The following IL1RN variants were observed in gnomAD, a reference collection of about 807,000 sequenced individuals.
The protein encoded by IL1RN is interleukin-1 receptor antagonist protein.
IL1RN carries 10 observed loss-of-function variants against 13.7 expected under a neutral mutation model. That is an observed-to-expected ratio of 0.73 (90% CI 0.45 to 1.24). The LOEUF (loss-of-function observed/expected upper bound fraction) is 1.24. Among genes scored for constraint, IL1RN ranks in the 50% most tolerant of loss-of-function variants. The pLI is 0.00. For synonymous variants in IL1RN, 102 were observed against 82.7 expected, an observed-to-expected ratio of 1.23 and a Z score of -1.27; for missense variants, 213 against 222.1, an observed-to-expected ratio of 0.96 and a Z score of 0.26.
rs1460641135 is a variant in IL1RN, at chr2:113,132,853, C to T, written c.516C>T (p.Tyr172=). The part of the protein sequence containing the change: ...PDEGVMVTKF[Y]FQEDE ...AAGGCGTCATGGTCACCAAATTCTACTTCCAGGAGGACGAGTAGTACTGCC... is the reference window on the plus strand; with the variant it reads ...AAGGCGTCATGGTCACCAAATTCTATTTCCAGGAGGACGAGTAGTACTGCC... The change falls in exon 4 of 4, where the codon TAC becomes TAT. Residue 172 remains tyrosine, a synonymous_variant. Transcript: ENST00000409930. 1 of 1,614,084 alleles carries T rather than the reference C, an allele frequency of 6.2e-7. No homozygotes were observed. The highest frequency in any genetic ancestry group is 8.5e-7 in the Non-Finnish European group (1 of 1,180,014).
upstream of IL1RN, among the ~76,000 whole-genome samples, chr2:113,109,851 A>C (rs562708408): frequency 3.3e-5 from 5 of 151,852 alleles, no homozygotes; most frequent in South Asian, 1.0e-3. Context: ...GCATTGTCCT[A>C]CTACAAACTT....
rs1687254797 is a variant in IL1RN at position 113,133,721 on chromosome 2, T to C, written c.*850T>C. 6.6e-6 allele frequency: 1 copy of C among 152,652 alleles called. No homozygotes were observed. Among genetic ancestry groups the C allele is most frequent in the Non-Finnish European group, 1.5e-5 (1 of 68,062 alleles). 9.5% of individuals were successfully genotyped at this position (152,652 alleles called of 1,614,324 possible). On this transcript the variant is annotated 3_prime_UTR_variant, in exon 4 of 4. Coordinates refer to ENST00000409930, the MANE Select transcript of IL1RN (RefSeq NM_173842.3). ...CAAGGCTCTGAGCAAATGTGGCTCC[T>C]GGGGGTTCTTTCTTCCTCTGCTGAA...
upstream of IL1RN, among the ~76,000 whole-genome samples, chr2:113,109,430 A>AAAAT (rs1686453794): frequency 6.8e-6 from 1 of 146,276 alleles, no homozygotes; most frequent in Non-Finnish European, 1.5e-5. Flanking sequence ...AAAAAAAAAA[A>AAAAT]TTAAGATAGT....
intron 1 of IL1RN, among the ~76,000 whole-genome samples, chr2:113,129,073 T>A (rs559404441): frequency 1.3e-5 from 2 of 152,274 alleles, no homozygotes; most frequent in East Asian, 3.9e-4. Flanking sequence ...TCTACCTAGG[T>A]GCTATGGTAG....
At chr2:113,122,747 C>T (rs1310847520), upstream of IL1RN, among the ~76,000 whole-genome samples, 1 of 152,194 alleles carries the variant, frequency 6.6e-6, no homozygotes, top group African/African-American at 2.4e-5. Flanking sequence ...CTCTGGACCT[C>T]ACCCAACTTT....
intron 3 of IL1RN, 136 bp downstream of exon 3, chr2:113,131,293 C>A (rs1378115127): frequency 2.8e-6 from 2 of 703,014 alleles, no homozygotes; most frequent in African/African-American, 1.7e-5. Context: ...ATGCTGGGGT[C>A]ACTTTGGAAG....
upstream of IL1RN, among the ~76,000 whole-genome samples, chr2:113,116,784 C>A (rs1686603744): frequency 6.6e-6 from 1 of 152,224 alleles, no homozygotes; most frequent in Non-Finnish European, 1.5e-5. Context: ...AAGGCATTAC[C>A]TGCAGCAAGG....
chr2:113,131,486 C>A (rs183028852), intron 3 of IL1RN, among the ~76,000 whole-genome samples: 1 of 152,106 alleles, frequency 6.6e-6, no homozygotes, highest in Non-Finnish European at 1.5e-5. Flanking sequence ...CTTATTATGA[C>A]TTCTGCTTGC....
intron 2 of IL1RN, chr2:113,121,496 G>T: frequency 4.1e-6 from 4 of 985,482 alleles, no homozygotes; most frequent in Non-Finnish European, 4.8e-6. Context: ...GAGCAAGCAT[G>T]TACCGCTGAA....
chr2:113,108,979 G>A (rs931828649), upstream of IL1RN, among the ~76,000 whole-genome samples: 2 of 151,802 alleles, frequency 1.3e-5, no homozygotes, highest in Non-Finnish European at 2.9e-5. Context: ...AAATTTAATA[G>A]TAACCACTAA....
At chr2:113,122,851 C>T (rs1366693370), upstream of IL1RN, among the ~76,000 whole-genome samples, 2 of 152,174 alleles carry the variant, frequency 1.3e-5, no homozygotes, top group Non-Finnish European at 2.9e-5. Flanking sequence ...ATGGGCTGGG[C>T]ACAGTGGCTC....
At chr2:113,102,964 AC>A (rs1163267511), upstream of IL1RN, among the ~76,000 whole-genome samples, 1 of 152,230 alleles carries the variant, frequency 6.6e-6, no homozygotes, top group Non-Finnish European at 1.5e-5. Context: ...CTGACAAGGC[AC>A]AGAAGGAGCT....
chr2:113,113,410 C>A (rs1686535044), upstream of IL1RN, among the ~76,000 whole-genome samples: 1 of 151,834 alleles, frequency 6.6e-6, no homozygotes, highest in African/African-American at 2.4e-5. Flanking sequence ...TTGTCAGGAG[C>A]AGGAGAAAAG....
rs947892937 is a variant in IL1RN at position 113,129,756 on chromosome 2, G to A, written c.205+92G>A. On this transcript the variant is annotated intron_variant, in intron 2 of 3. Transcript: ENST00000409930. ...GCATGGCCTGCCTGCACAAACCCTA[G>A]GTGCAATGTCCTAATCCTTGTTGGG... 47 of 866,474 alleles carry A rather than the reference G, an allele frequency of 5.4e-5. No homozygotes were observed. In the African/African-American group the frequency reaches 6.6e-4, roughly 12 times the overall value. 53.7% of individuals were successfully genotyped at this position (866,474 alleles called of 1,614,324 possible). A position where few individuals can be genotyped will look rare whatever the true frequency, so the allele number is the denominator to read the frequency against.
chr2:113,108,388 C>A (rs891612761), upstream of IL1RN, among the ~76,000 whole-genome samples: 9 of 152,056 alleles, frequency 5.9e-5, no homozygotes, highest in African/African-American at 1.9e-4. Context: ...TTAGGTATAT[C>A]TCCTAATGCT....
At chr2:113,116,768 T>A (rs1686603204), upstream of IL1RN, among the ~76,000 whole-genome samples, 2 of 152,332 alleles carry the variant, frequency 1.3e-5, no homozygotes, top group African/African-American at 4.8e-5. Flanking sequence ...ATTTCATATG[T>A]GTATGAAGGC....
chr2:113,118,180 G>C (rs1159614649), intron 1 of IL1RN: 7 of 1,177,248 alleles, frequency 5.9e-6, no homozygotes, highest in Non-Finnish European at 8.6e-6. Context: ...GGGGATCTGG[G>C]CACGGGGAGG....
upstream of IL1RN, among the ~76,000 whole-genome samples, chr2:113,123,050 G>T (rs1686833037): frequency 1.3e-5 from 2 of 152,134 alleles, 1 homozygote; most frequent in South Asian, 4.1e-4. Flanking sequence ...GCTTGAACCT[G>T]GGAGGCGGAG....
upstream of IL1RN, among the ~76,000 whole-genome samples, chr2:113,113,758 G>A (rs1019017421): frequency 2.6e-5 from 4 of 152,152 alleles, no homozygotes; most frequent in Admixed American, 6.6e-5. Flanking sequence ...CCTCAGTAAA[G>A]TAGTTTAAAA....
Sources: gnomAD v4.1 joint callset for allele counts (sites outside exome capture counted in the v4.1 genomes callset) on GRCh38, gnomAD v4.1.1 for gene constraint, MANE v1.5 for transcripts, NCBI Gene and HGNC (gene_info 2026-07-23, HGNC 2026-07-21) for gene names.